Variants in SFPQ observed in about 807,000 individuals in gnomAD.
The protein encoded by SFPQ is splicing factor proline and glutamine rich, also known as splicing factor, proline- and glutamine-rich.
In SFPQ, 11 loss-of-function variants were observed where a neutral mutation model predicts 72.9. The observed-to-expected ratio is 0.15, with a 90% confidence interval of 0.09 to 0.25. The LOEUF is 0.25. Among genes scored for constraint, SFPQ ranks in the 10% least tolerant of loss-of-function variants. SFPQ has a pLI of 1.00. For synonymous variants in SFPQ, 506 were observed against 367.3 expected (o/e 1.38, Z -4.32); for missense variants, 847 against 993.3 (o/e 0.85, Z 1.98).
At chr1:35,185,931 T>A (rs922911732) in intron 9 of SFPQ, among the ~76,000 whole-genome samples, 1 of 152,178 alleles carries the variant, frequency 6.6e-6, no homozygotes, top group Non-Finnish European at 1.5e-5. Context: ...AAGGTCAAAT[T>A]AGATTTTACA....
chr1:35,181,739 T>A (rs1639476738), downstream of SFPQ: 3 of 1,061,182 alleles, frequency 2.8e-6, no homozygotes, highest in Non-Finnish European at 3.4e-6. Context: ...CTTCAAAAAT[T>A]GCTACCTCCC....
chr1:35,180,715 G>T (rs569460237), downstream of SFPQ: 12 of 1,058,150 alleles, frequency 1.1e-5, no homozygotes, highest in African/African-American at 1.5e-4. Context: ...TGATATTGCC[G>T]ATCTATGGGC....
chr1:35,191,586 C>G, intron 1 of SFPQ, 57 bp from the exon 2 acceptor site: 1 of 1,368,880 alleles, frequency 7.3e-7, no homozygotes, highest in African/African-American at 1.5e-5. Context: ...GTGAAAATCC[C>G]CAAGATAGTA....
rs757123578 is a variant in SFPQ at position 35,192,775 on chromosome 1, T to A, written c.275A>T (p.Gln92Leu). The change falls in exon 1 of 10, where the codon CAG (glutamine) becomes CTG (leucine). Residue 92 changes from glutamine to leucine, a missense_variant. Gln to Leu is a moderately radical substitution (Grantham distance 113). Transcript: ENST00000357214. ...PPPHQPPPHPQPHQQQQPPPP... is the reference protein window; with the variant it reads ...PPPHQPPPHPLPHQQQQPPPP... ...CGGCGGCTGCTGCTGCTGATGCGGC[T>A]GTGGATGCGGCGGCGGCTGATGCGG... 1.3e-6 allele frequency: 2 copies of A among 1,503,238 alleles called. No individual in the cohort carries two copies. Among genetic ancestry groups the A allele is most frequent in the East Asian group, 2.7e-5 (1 of 37,672 alleles). 93.1% of individuals were successfully genotyped at this position (1,503,238 alleles called of 1,614,324 possible).
downstream of SFPQ, chr1:35,178,297 G>T: frequency 1.8e-6 from 2 of 1,095,010 alleles, no homozygotes; most frequent in Non-Finnish European, 2.2e-6. Flanking sequence ...AGTTTCACCA[G>T]TCTGAGCACA....
At chr1:35,181,147 G>T, downstream of SFPQ, 1 of 1,065,070 alleles carries the variant, frequency 9.4e-7, no homozygotes, top group Non-Finnish European at 1.1e-6. Context: ...GTATGCAGTC[G>T]GCAATGAGAA....
In SFPQ at chr1:35,183,010, T is replaced by C; in HGVS notation, c.*1446A>G. 3.9e-6 allele frequency: 4 copies of C among 1,038,692 alleles called. No homozygotes were observed. The highest frequency in any genetic ancestry group is 3.5e-6 in the Non-Finnish European group (3 of 862,604). The allele number at this position is 1,038,692 out of a possible 1,614,324, so 64.3% of individuals were successfully genotyped here. ...CATGAGCAACTTTCTCCAGATTTAG[T>C]GCTACATGAAAACGAAACTATGTGA... On this transcript the variant is annotated 3_prime_UTR_variant, in exon 10 of 10. Transcript: ENST00000357214.
Position 35,192,375 on chromosome 1 carries a change from A to C in SFPQ, c.675T>G (p.Ser225Arg). Residue 225 changes from serine (S) to arginine (R), a missense_variant, in exon 1 of 10, where the codon AGT becomes AGG. Ser to Arg is a moderately radical substitution (Grantham distance 110, BLOSUM62 -1). This residue lies in a region of SFPQ where 498 missense variants were observed against 405.1 expected (regional missense o/e 1.23). Coordinates refer to ENST00000357214, the MANE Select transcript of SFPQ (RefSeq NM_005066.3). ...GPKPGGGPGL[S>R]TPGGHPKPPH... ...GCGGCTTGGGGTGGCCGCCAGGCGT[A>C]CTTAGGCCCGGGCCGCCACCTGGCT... 6 of 1,396,730 alleles carry C rather than the reference A, an allele frequency of 4.3e-6. No homozygotes were observed. The highest frequency in any genetic ancestry group is 5.5e-6 in the Non-Finnish European group (6 of 1,086,542). The allele number at this position is 1,396,730 out of a possible 1,614,324, so 86.5% of individuals were successfully genotyped here. A position where few individuals can be genotyped will look rare whatever the true frequency, so the allele number is the denominator to read the frequency against.
exon 6 of SFPQ, chr1:35,176,442 G>A (rs1369436261): frequency 6.6e-6 from 1 of 152,018 alleles, no homozygotes; most frequent in Non-Finnish European, 1.5e-5. Context: ...ACTCCTTCTC[G>A]TTGGTTTTCT....
chr1:35,179,052 C>T (rs965926651), downstream of SFPQ: 1 of 1,058,500 alleles, frequency 9.4e-7, no homozygotes, highest in African/African-American at 1.6e-5. Flanking sequence ...CCTCTGAATT[C>T]TTTCCCTAAT....
chr1:35,178,817 T>C, downstream of SFPQ: 3 of 1,051,764 alleles, frequency 2.9e-6, no homozygotes, highest in Non-Finnish European at 3.4e-6. Context: ...AGGGATACTA[T>C]ATCGTTTTGC....
downstream of SFPQ, chr1:35,180,306 T>C (rs1639415039): frequency 9.5e-7 from 1 of 1,047,318 alleles, no homozygotes; most frequent in South Asian, 4.6e-5. Flanking sequence ...GCAACAAAAG[T>C]TGTGCTTTTG....
intron 9 of SFPQ, among the ~76,000 whole-genome samples, 178 bp downstream of exon 9, chr1:35,186,823 C>A (rs941945389): frequency 6.6e-6 from 1 of 152,062 alleles, no homozygotes; most frequent in Non-Finnish European, 1.5e-5. Context: ...TACCACACAC[C>A]GAGTTCTTCT....
At chr1:35,180,790 A>C (rs1310438253), downstream of SFPQ, 1 of 1,062,832 alleles carries the variant, frequency 9.4e-7, no homozygotes, top group Non-Finnish European at 1.1e-6. Flanking sequence ...AGGTGCTAAA[A>C]GCACCCTAGT....
intron 1 of SFPQ, 55 bp downstream of exon 1, chr1:35,192,167 G>T (rs961424248): frequency 7.7e-7 from 1 of 1,290,904 alleles, no homozygotes; most frequent in Non-Finnish European, 9.8e-7. Context: ...CGGGGGCGAG[G>T]AGGGGGCCGC....
In SFPQ at chr1:35,190,534, G is replaced by A; in HGVS notation, c.1379C>T (p.Pro460Leu). 6.2e-7 allele frequency: 1 copy of A among 1,613,734 alleles called. No individual in the cohort carries two copies. The highest frequency in any genetic ancestry group is 8.5e-7 in the Non-Finnish European group (1 of 1,179,814). ...TGGATTCTTCTGGGCAAGTTTTTCA[G>A]GAAGACCATCTTCATCATCTAGTTG... Reference protein sequence around the residue: ...LEQLDDEDGLPEKLAQKNPMY... With the variant: ...LEQLDDEDGLLEKLAQKNPMY... Residue 460 changes from proline (P) to leucine (L), a missense_variant, in exon 4 of 10, where the codon CCT becomes CTT. Pro to Leu is a moderately conservative substitution (Grantham distance 98). Coordinates refer to ENST00000357214, the MANE Select transcript of SFPQ (RefSeq NM_005066.3).
chr1:35,190,586 G>A lies in SFPQ; in HGVS notation c.1327C>T (p.Arg443Cys), dbSNP rs778530581. 9 of 1,612,750 alleles carry A rather than the reference G, an allele frequency of 5.6e-6. No individual in the cohort carries two copies. The highest frequency in any genetic ancestry group is 4.0e-5 in the African/African-American group (3 of 74,882). ...EGVFLLTTTP[R>C]PVIVEPLEQL... is the part of the protein sequence containing the mutation. ...TCAAGTGGTTCCACAATGACTGGAC[G>A]AGGAGTTCTAATAACAAAAATGGTT... The change falls in exon 4 of 10, where the codon CGT becomes TGT. Residue 443 changes from arginine to cysteine, a missense_variant. Arg to Cys is a radical substitution (Grantham distance 180, BLOSUM62 -3). Transcript: ENST00000357214.
At chr1:35,184,622 A>T (rs768754653) in intron 9 of SFPQ, 29 bp from the exon 10 acceptor site, 3 of 1,526,552 alleles carry the variant, frequency 2.0e-6, no homozygotes, top group Admixed American at 2.4e-5. Context: ...ACAGTTCATT[A>T]TAAGTAGTTG....
intron 4 of SFPQ, 61 bp from the exon 5 acceptor site, chr1:35,189,443 CCCTAGTACT>C: frequency 7.7e-7 from 1 of 1,293,898 alleles, no homozygotes; most frequent in Non-Finnish European, 1.1e-6. Flanking sequence ...AAAATACTTG[CCCTAGTACT>C]GATCTTTTTC....
Sources: allele counts gnomAD v4.1 joint callset (sites outside exome capture counted in the v4.1 genomes callset), GRCh38; gene constraint gnomAD v4.1.1; regional missense constraint gnomAD v4.1.1; transcripts MANE v1.5; gene names NCBI Gene and HGNC (gene_info 2026-07-23, HGNC 2026-07-21).